Variants in DCTN4 observed in about 807,000 individuals in gnomAD.
DCTN4 encodes dynactin 4 (p62).
In DCTN4, 23 loss-of-function variants were observed where a neutral mutation model predicts 62.7. The ratio of observed to expected loss-of-function variants is 0.37; its 90% CI spans 0.26 to 0.52. The LOEUF (loss-of-function observed/expected upper bound fraction) is 0.52, where lower values mean the gene tolerates loss of function less well. DCTN4 is among the 20% of genes least tolerant of loss of function. The probability of loss-of-function intolerance (pLI) is 0.92; values close to 1 mark genes in which losing one functional copy is unlikely to be tolerated. For synonymous variants in DCTN4, 199 were observed against 202.1 expected, an observed-to-expected ratio of 0.98 and a Z score of 0.13; for missense variants, 514 against 580.4, an observed-to-expected ratio of 0.89 and a Z score of 1.18.
At chr5:150,719,814 T>C in intron 9 of DCTN4, 44 bp from the exon 10 acceptor site, 1 of 1,238,272 alleles carries the variant, frequency 8.1e-7, no homozygotes, top group Non-Finnish European at 1.2e-6. Context: ...TTGGAGTCTC[T>C]TAAAATTATT....
At chr5:150,713,448 T>TC (rs1230820740) in intron 12 of DCTN4, among the ~76,000 whole-genome samples, 1 of 145,692 alleles carries the variant, frequency 6.9e-6, no homozygotes, top group Non-Finnish European at 1.5e-5. Flanking sequence ...TTCTTTTCTT[T>TC]TTTTTTTTTT....
In DCTN4 at chr5:150,758,953, A is replaced by AC; in HGVS notation, c.40dup (p.Val14GlyfsTer21). The AC allele has an allele frequency of 6.2e-7, 1 of 1,614,024 alleles. No homozygotes were observed. Among genetic ancestry groups the AC allele is most frequent in the Non-Finnish European group, 8.5e-7 (1 of 1,179,980 alleles). On this transcript the variant is annotated frameshift_variant, in exon 1 of 13. Coordinates refer to ENST00000447998, the MANE Select transcript of DCTN4 (RefSeq NM_016221.4). LOFTEE classifies it high-confidence loss of function. ...GGCCCGAACCTTCTTTTCTCCCTGG[A>AC]CTAGATAGAGAACCCGGTCCGACTG...
At chr5:150,756,595 AGTAG>A in intron 1 of DCTN4, 108 bp from the exon 2 acceptor site, 5 of 558,188 alleles carry the variant, frequency 9.0e-6, no homozygotes, top group South Asian at 3.9e-5. Context: ...TGTAGCAGAA[AGTAG>A]ACTGTTTTCT....
chr5:150,731,186 A>C (rs764355735), intron 6 of DCTN4, 30 bp from the exon 7 acceptor site: 3 of 1,448,640 alleles, frequency 2.1e-6, no homozygotes, highest in Non-Finnish European at 2.9e-6. Flanking sequence ...AAACAAAACA[A>C]AACAAAAGAG....
intron 12 of DCTN4, among the ~76,000 whole-genome samples, chr5:150,712,873 T>C (rs1230321658): frequency 6.6e-6 from 1 of 152,248 alleles, no homozygotes; most frequent in Non-Finnish European, 1.5e-5. Context: ...CATATTTACA[T>C]ATTTATACAG....
chr5:150,719,660 T>A (rs1314440073), intron 10 of DCTN4, 56 bp downstream of exon 10: 1 of 1,265,526 alleles, frequency 7.9e-7, no homozygotes, highest in Non-Finnish European at 1.2e-6. Flanking sequence ...CACATACACA[T>A]GTACACACAT....
At position 150,717,566 on chromosome 5, in the gene DCTN4, G is replaced by A. The variant is rs149433304; in HGVS notation, c.1071+710C>T. ...CCCAGACTAGTTAGTGCTATGTTAT[G>A]TATACTCTTTGTAAGGTAGAGGAAT... On this transcript the variant is annotated intron_variant, in intron 11 of 12. Transcript: ENST00000447998. Among the ~76,000 whole-genome samples the A allele has an allele frequency of 3.3e-5, 5 of 152,292 alleles. No individual in the cohort carries two copies. The East Asian group carries it at 5.8e-4, about 18-fold the overall frequency.
At chr5:150,729,045 T>TCC (rs1760260789) in intron 8 of DCTN4, among the ~76,000 whole-genome samples, 1 of 111,226 alleles carries the variant, frequency 9.0e-6, no homozygotes, top group African/African-American at 4.3e-5. Context: ...ACACTGGCTT[T>TCC]TTTTTTTTTT....
At chr5:150,716,478 T>TAACA (rs1446232666) in intron 11 of DCTN4, among the ~76,000 whole-genome samples, 6 of 152,296 alleles carry the variant, frequency 3.9e-5, no homozygotes, top group Non-Finnish European at 7.4e-5. Context: ...TATCAGAGGT[T>TAACA]AACAGTTAAC....
intron 3 of DCTN4, among the ~76,000 whole-genome samples, chr5:150,750,699 GTTAT>G (rs1198308101): frequency 6.6e-6 from 1 of 152,168 alleles, no homozygotes; most frequent in Non-Finnish European, 1.5e-5. Context: ...AGTGAAAAAT[GTTAT>G]TTGTTTGTGG....
Position 150,709,321 on chromosome 5 carries a change from T to A in DCTN4, c.*1828A>T, listed in dbSNP as rs1352982992. On this transcript the variant is annotated 3_prime_UTR_variant, in exon 13 of 13. Transcript: ENST00000447998. ...CTTTGGGGAATAAATACCAGCTACCTGCCATAAACGCATGACATGTGTGTA... is the reference window on the plus strand; with the variant it reads ...CTTTGGGGAATAAATACCAGCTACCAGCCATAAACGCATGACATGTGTGTA... 1 of 152,380 alleles carries A rather than the reference T, an allele frequency of 6.6e-6. No homozygotes were observed. The highest frequency in any genetic ancestry group is 1.5e-5 in the Non-Finnish European group (1 of 68,048). The allele number at this position is 152,380 out of a possible 1,614,324, so 9.4% of individuals were successfully genotyped here. A position where few individuals can be genotyped will look rare whatever the true frequency, so the allele number is the denominator to read the frequency against.
chr5:150,728,327 C>A (rs1760229256), intron 8 of DCTN4, among the ~76,000 whole-genome samples: 2 of 152,162 alleles, frequency 1.3e-5, no homozygotes, highest in South Asian at 4.1e-4. Flanking sequence ...AGTATATAAT[C>A]AACCTTTATA....
chr5:150,751,120 TATTCTA>T (rs1752656708), intron 3 of DCTN4, among the ~76,000 whole-genome samples: 1 of 152,210 alleles, frequency 6.6e-6, no homozygotes, highest in African/African-American at 2.4e-5. Flanking sequence ...ACTGGTAATT[TATTCTA>T]AGTAGCAATT....
chr5:150,719,871 T>C (rs1759897234), intron 9 of DCTN4, 101 bp from the exon 10 acceptor site: 2 of 717,688 alleles, frequency 2.8e-6, no homozygotes, highest in Non-Finnish European at 4.5e-6. Flanking sequence ...TCATGTTAAT[T>C]AGAATGTATC....
At chr5:150,711,414 C>T (rs1216171014) in intron 12 of DCTN4, 52 bp from the exon 13 acceptor site, 2 of 1,411,754 alleles carry the variant, frequency 1.4e-6, no homozygotes, top group Admixed American at 3.5e-5. Context: ...ATCAGCCAAA[C>T]CACTAAGACT....
chr5:150,731,761 C>G (rs1760378945), intron 5 of DCTN4: 1 of 898,060 alleles, frequency 1.1e-6, no homozygotes. Flanking sequence ...CTAAAAGTAT[C>G]TAAGCTACGG....
In DCTN4 at chr5:150,711,145, C is replaced by T; in HGVS notation, c.*4G>A. 6.2e-7 allele frequency: 1 copy of T among 1,612,002 alleles called. No individual in the cohort carries two copies. The highest frequency in any genetic ancestry group is 8.5e-7 in the Non-Finnish European group (1 of 1,179,816). On this transcript the variant is annotated 3_prime_UTR_variant, in exon 13 of 13. Transcript: ENST00000447998. ...CTTTGGGATCTGCCCTCCAGTGGAA[C>T]CTTTTAAGGAAGAAGTGGGCCCAAG... is the stretch of plus-strand genomic sequence containing the variant.
At chr5:150,717,010 AG>A (rs1322087665) in intron 11 of DCTN4, among the ~76,000 whole-genome samples, 1 of 152,038 alleles carries the variant, frequency 6.6e-6, no homozygotes, top group Non-Finnish European at 1.5e-5. Flanking sequence ...AAAAAGCAGA[AG>A]AAAAAAAAAA....
In DCTN4 at chr5:150,730,674, G is replaced by A; in HGVS notation, c.791C>T (p.Pro264Leu). The A allele has an allele frequency of 6.2e-7, 1 of 1,614,100 alleles. No homozygotes were observed. Among genetic ancestry groups the A allele is most frequent in the African/African-American group, 1.3e-5 (1 of 75,058 alleles). The change falls in exon 8 of 13, where the codon CCT becomes CTT. Residue 264 changes from proline to leucine, a missense_variant. Coordinates refer to ENST00000447998, the MANE Select transcript of DCTN4 (RefSeq NM_016221.4). ...TTTGATCAGAAGATGTTTGTGGCGAGGATAGAGCTGTGAAGCACAGACTGG... is the reference window on the plus strand; with the variant it reads ...TTTGATCAGAAGATGTTTGTGGCGAAGATAGAGCTGTGAAGCACAGACTGG... ...FQPVCASQLYPRHKHLLIKRS... is the reference protein window; with the variant it reads ...FQPVCASQLYLRHKHLLIKRS...
Sources: allele counts gnomAD v4.1 joint callset (sites outside exome capture counted in the v4.1 genomes callset), GRCh38; gene constraint gnomAD v4.1.1; transcripts MANE v1.5; gene names NCBI Gene and HGNC (gene_info 2026-07-23, HGNC 2026-07-21).